Variants in FGF18 observed in about 807,000 individuals in gnomAD.
The protein encoded by FGF18 is fibroblast growth factor 18.
FGF18 carries 5 observed loss-of-function variants against 23.0 expected under a neutral mutation model. The ratio of observed to expected loss-of-function variants is 0.22; its 90% CI spans 0.11 to 0.46. The LOEUF is 0.46. Ranked by LOEUF, FGF18 falls within the 20% of genes least tolerant of loss-of-function variation. The pLI is 0.99. For missense variants in FGF18, 180 were observed against 291.6 expected (o/e 0.62, Z 2.79); for synonymous variants, 117 against 118.9 (o/e 0.98, Z 0.10).
At chr5:171,449,593 T>G (rs2113361732) in intron 4 of FGF18, among the ~76,000 whole-genome samples, 2 of 151,984 alleles carry the variant, frequency 1.3e-5, no homozygotes. Context: ...TGAGGGGCTC[T>G]GGGGCACCCC....
At chr5:171,455,944 G>T (rs1435775253) in intron 4 of FGF18, among the ~76,000 whole-genome samples, 1 of 152,184 alleles carries the variant, frequency 6.6e-6, no homozygotes. Flanking sequence ...GAAAGATGCA[G>T]GGGCCAGTAA....
intron 2 of FGF18, among the ~76,000 whole-genome samples, chr5:171,429,403 C>T (rs1229993647): frequency 1.3e-5 from 2 of 152,248 alleles, no homozygotes; most frequent in East Asian, 1.9e-4. Flanking sequence ...CAGTGGGAGC[C>T]AACGTGAGCT....
chr5:171,449,190 G>C lies in FGF18; in HGVS notation c.294G>C (p.Arg98=). 6.2e-7 allele frequency: 1 copy of C among 1,614,110 alleles called. No homozygotes were observed. The highest frequency in any genetic ancestry group is 8.5e-7 in the Non-Finnish European group (1 of 1,180,020). ...CAGACACCTTCGGTAGTCAAGTCCGGATCAAGGGCAAGGAGACGGAATTCT... is the reference window on the plus strand; with the variant it reads ...CAGACACCTTCGGTAGTCAAGTCCGCATCAAGGGCAAGGAGACGGAATTCT... ...VETDTFGSQV[R]IKGKETEFYL... Residue 98 remains arginine (R), a synonymous_variant, in exon 4 of 5, where the codon CGG becomes CGC. Transcript: ENST00000274625.
intron 3 of FGF18, among the ~76,000 whole-genome samples, chr5:171,443,874 T>C (rs1772382285): frequency 6.6e-6 from 1 of 151,968 alleles, no homozygotes; most frequent in Admixed American, 6.6e-5. Context: ...GCTCCTGCTC[T>C]GTGCGGAGCC....
rs374036367 is a variant in FGF18, at chr5:171,420,438, G to T, written c.64G>T (p.Val22Leu). Residue 22 changes from valine to leucine, a missense_variant, in exon 2 of 5, where the codon GTA becomes TTA. Coordinates refer to ENST00000274625, the MANE Select transcript of FGF18 (RefSeq NM_003862.3). ...CLHFLLLCFQVQVLVAEENVD... is the reference protein window; with the variant it reads ...CLHFLLLCFQLQVLVAEENVD... Reference sequence around the variant, plus strand: ...ACACTTCCTGCTGCTGTGCTTCCAGGTACAGGTACGTGGGCTCCTGACTTT... The same window carrying T: ...ACACTTCCTGCTGCTGTGCTTCCAGTTACAGGTACGTGGGCTCCTGACTTT... The T allele has an allele frequency of 3.1e-6, 5 of 1,613,300 alleles. No homozygotes were observed. In the Admixed American group the frequency reaches 5.0e-5, roughly 16 times the overall value.
At chr5:171,445,215 CAAGG>C (rs1420967360) in intron 3 of FGF18, among the ~76,000 whole-genome samples, 1 of 152,058 alleles carries the variant, frequency 6.6e-6, no homozygotes, top group Non-Finnish European at 1.5e-5. Context: ...AGGGGAGAGG[CAAGG>C]AAGGGAGGCA....
rs937766394 is a variant in FGF18, at chr5:171,440,271, A to C, written c.250+3998A>C. Among the ~76,000 whole-genome samples, 1 of 151,994 alleles carries C rather than the reference A, an allele frequency of 6.6e-6. No individual in the cohort carries two copies. The highest frequency in any genetic ancestry group is 1.5e-5 in the Non-Finnish European group (1 of 67,998). ...CGGGCTCAGGTGAGGAACTGCCATC[A>C]GGTACTGGCTCCAGAGGCTTCCAGA... On this transcript the variant is annotated intron_variant, in intron 3 of 4. Transcript: ENST00000274625. This position sits in a 1 kb window ranked among gnomAD's most constrained non-coding sequence, Gnocchi z 4.0.
chr5:171,455,771 T>TGC lies in FGF18; in HGVS notation c.358-767_358-766dup, dbSNP rs200719055. ...CACTGATTGGATGGCTTGGGTCACT[T>TGC]GCTCACCTGTGAGCCAATCACTGAA... is the stretch of plus-strand genomic sequence containing the variant. On this transcript the variant is annotated intron_variant, in intron 4 of 4. Transcript: ENST00000274625. 8.7e-3 allele frequency among the ~76,000 whole-genome samples: 1,324 copies of TGC among 152,352 alleles called. 15 individuals carry two copies. Among genetic ancestry groups the TGC allele is most frequent in the African/African-American group, 0.03 (1,253 of 41,582 alleles).
chr5:171,443,009 T>A (rs1192592334), intron 3 of FGF18, among the ~76,000 whole-genome samples: 1 of 152,256 alleles, frequency 6.6e-6, no homozygotes. Context: ...TGTGAGACTC[T>A]GGTCAAGCAA....
At chr5:171,450,333 C>T (rs1225412706) in intron 4 of FGF18, among the ~76,000 whole-genome samples, 1 of 152,206 alleles carries the variant, frequency 6.6e-6, no homozygotes. Context: ...GAGATCCCAG[C>T]CAGGGCATTG....
intron 3 of FGF18, among the ~76,000 whole-genome samples, chr5:171,442,403 C>G (rs1772360206): frequency 6.6e-6 from 1 of 152,198 alleles, no homozygotes. Context: ...TCGGTGTGAC[C>G]TCTCAGTGCT....
intron 2 of FGF18, among the ~76,000 whole-genome samples, chr5:171,422,461 C>T (rs1772028460): frequency 6.6e-6 from 1 of 152,078 alleles, no homozygotes; most frequent in Non-Finnish European, 1.5e-5. Flanking sequence ...GGGGGAGGTC[C>T]CTGAAACACT....
intron 2 of FGF18, among the ~76,000 whole-genome samples, chr5:171,427,988 C>T (rs1377208327): frequency 6.6e-6 from 1 of 152,220 alleles, no homozygotes; most frequent in African/African-American, 2.4e-5. Context: ...CAGGACAGAA[C>T]CTCCCTCCTG....
rs186559228 is a variant in FGF18, at chr5:171,434,989, G to A, written c.70-1104G>A. On this transcript the variant is annotated intron_variant, in intron 2 of 4. Coordinates refer to ENST00000274625, the MANE Select transcript of FGF18 (RefSeq NM_003862.3). The surrounding 1 kb of genome is among the most constrained non-coding windows in gnomAD (Gnocchi z 4.6). ...GGAGGTGACATTTGAGCAGAGACCC[G>A]AGTGAGCTCAAGGGGTTAGAATGTA... 2.6e-4 allele frequency among the ~76,000 whole-genome samples: 40 copies of A among 152,258 alleles called. No homozygotes were observed. In the East Asian group the frequency reaches 6.2e-3, roughly 24 times the overall value.
Position 171,436,472 on chromosome 5 carries a change from C to T in FGF18, c.250+199C>T, listed in dbSNP as rs186515715. Among the ~76,000 whole-genome samples, 334 of 152,296 alleles carry T rather than the reference C, an allele frequency of 2.2e-3. 2 individuals carry two copies. Among genetic ancestry groups the T allele is most frequent in the African/African-American group, 7.7e-3 (320 of 41,560 alleles). ...ATCCTTGAGAGCATTGTCAGGAGTA[C>T]TAACTGAAGATGTGAATGAAAAGTT... On this transcript the variant is annotated intron_variant, in intron 3 of 4. Transcript: ENST00000274625. The surrounding 1 kb of genome is among the most constrained non-coding windows in gnomAD (Gnocchi z 4.4).
At chr5:171,448,925 C>A (rs1422574207) in intron 3 of FGF18, among the ~76,000 whole-genome samples, 1 of 152,004 alleles carries the variant, frequency 6.6e-6, no homozygotes, top group Non-Finnish European at 1.5e-5. Context: ...AGGTGATAGG[C>A]AGCTTCCATC....
chr5:171,446,697 A>G (rs544062212), intron 3 of FGF18, among the ~76,000 whole-genome samples: 16 of 151,954 alleles, frequency 1.1e-4, no homozygotes, highest in South Asian at 4.2e-4. Flanking sequence ...CCACTTCCTA[A>G]TCCCAAGGAG....
In FGF18 at chr5:171,451,210, G is replaced by A. The variant is rs1357909433; in HGVS notation, c.357+1957G>A. Among the ~76,000 whole-genome samples, 2 of 151,896 alleles carry A rather than the reference G, an allele frequency of 1.3e-5. No homozygotes were observed. The highest frequency in any genetic ancestry group is 2.9e-5 in the Non-Finnish European group (2 of 67,916). On this transcript the variant is annotated intron_variant, in intron 4 of 4. Coordinates refer to ENST00000274625, the MANE Select transcript of FGF18 (RefSeq NM_003862.3). The surrounding 1 kb of genome is among the most constrained non-coding windows in gnomAD (Gnocchi z 4.5). ...CGCGGCGCACCCTGGCGCAGCGGAGGGAGGCCCGGCCCCGGCCCCCGGCGC... is the reference window on the plus strand; with the variant it reads ...CGCGGCGCACCCTGGCGCAGCGGAGAGAGGCCCGGCCCCGGCCCCCGGCGC...
chr5:171,451,558 A>G lies in FGF18; in HGVS notation c.357+2305A>G, dbSNP rs1581280335. On this transcript the variant is annotated intron_variant, in intron 4 of 4. Coordinates refer to ENST00000274625, the MANE Select transcript of FGF18 (RefSeq NM_003862.3). The surrounding 1 kb of genome is among the most constrained non-coding windows in gnomAD (Gnocchi z 4.5). The stretch of plus-strand genomic sequence containing the variant: ...CAGCCGCCTGGCGTGTGGCTTCTGC[A>G]TCTCCAGGCCTTTCCCCGCTGCCCA... 6.6e-6 allele frequency among the ~76,000 whole-genome samples: 1 copy of G among 151,886 alleles called. No homozygotes were observed. Among genetic ancestry groups the G allele is most frequent in the Non-Finnish European group, 1.5e-5 (1 of 67,938 alleles).
Sources: gnomAD v4.1 joint callset for allele counts (sites outside exome capture counted in the v4.1 genomes callset) on GRCh38, gnomAD v4.1.1 for gene constraint, Gnocchi (gnomAD v3.1) non-coding constraint, MANE v1.5 for transcripts, NCBI Gene and HGNC (gene_info 2026-07-23, HGNC 2026-07-21) for gene names.